CYP2B6: variants seen among roughly 807,000 people sequenced by gnomAD.
CYP2B6 encodes cytochrome P450 family 2 subfamily B member 6.
CYP2B6 carries 35 observed loss-of-function variants against 43.4 expected under a neutral mutation model. That is an observed-to-expected ratio of 0.81 (90% CI 0.62 to 1.07). CYP2B6 has a LOEUF of 1.07. Ranked by LOEUF, CYP2B6 falls within the 50% of genes least tolerant of loss-of-function variation. CYP2B6 has a pLI of 0.00. For missense variants in CYP2B6, 624 were observed against 632.8 expected (o/e 0.99, Z 0.15); for synonymous variants, 239 against 239.2 (o/e 1.00, Z 0.01).
In CYP2B6 at chr19:41,018,220, T is replaced by C. The variant is rs1969400307; in HGVS notation, c.*1393T>C. 1 of 152,294 alleles carries C rather than the reference T, an allele frequency of 6.6e-6. No individual in the cohort carries two copies. The highest frequency in any genetic ancestry group is 6.5e-5 in the Admixed American group (1 of 15,278). The allele number at this position is 152,294 out of a possible 1,614,324, so 9.4% of individuals were successfully genotyped here. On this transcript the variant is annotated 3_prime_UTR_variant, in exon 9 of 9. Transcript: ENST00000324071. ...ACCACAGTCACACACTGCTGTAGTCTTCCCCAGTCCTCATTCCCAGCTGCC... is the reference window on the plus strand; with the variant it reads ...ACCACAGTCACACACTGCTGTAGTCCTCCCCAGTCCTCATTCCCAGCTGCC...
Position 40,995,149 on chromosome 19 carries a change from G to A in CYP2B6, c.171+3673G>A, listed in dbSNP as rs114957222. 1.9e-3 allele frequency among the ~76,000 whole-genome samples: 291 copies of A among 152,250 alleles called. 2 individuals are homozygous for A. The highest frequency in any genetic ancestry group is 6.4e-3 in the African/African-American group (267 of 41,512). On this transcript the variant is annotated intron_variant, in intron 1 of 8. Transcript: ENST00000324071. ...GAAAGGGTTAGGACAGCAAGAAATG[G>A]GGAAGAAAGGATAAAAGATAATGCT...
rs554948308 is a variant in CYP2B6 at position 40,998,583 on chromosome 19, C to T, written c.172-5418C>T. 9.5e-4 allele frequency among the ~76,000 whole-genome samples: 121 copies of T among 127,236 alleles called. 1 individual carries two copies. Among genetic ancestry groups the T allele is most frequent in the African/African-American group, 3.6e-3 (116 of 32,634 alleles). 83.5% of individuals were successfully genotyped at this position (127,236 alleles called of 152,430 possible). On this transcript the variant is annotated intron_variant, in intron 1 of 8. Coordinates refer to ENST00000324071, the MANE Select transcript of CYP2B6 (RefSeq NM_000767.5). ...TGCTATCCCTCCCCCCTCCCCCCAC[C>T]CCACAACAGTCCCCAGAGTGTGATG... is the stretch of plus-strand genomic sequence containing the variant.
chr19:41,000,608 C>T (rs972776254), intron 1 of CYP2B6, among the ~76,000 whole-genome samples: 9 of 152,218 alleles, frequency 5.9e-5, no homozygotes, highest in South Asian at 2.1e-4. Context: ...AAGAGTATCA[C>T]GCAATCATGT....
chr19:41,011,955 T>C (rs1273511808), intron 6 of CYP2B6, among the ~76,000 whole-genome samples: 1 of 152,126 alleles, frequency 6.6e-6, no homozygotes, highest in Non-Finnish European at 1.5e-5. Flanking sequence ...TAAAAAAATT[T>C]TTTTTTCTTT....
At chr19:41,006,119 A>T (rs1969179226) in intron 3 of CYP2B6, among the ~76,000 whole-genome samples, 2 of 152,046 alleles carry the variant, frequency 1.3e-5, no homozygotes, top group Non-Finnish European at 2.9e-5. Context: ...GAAGAGATTA[A>T]GGGGGAGTAA....
At position 41,009,977 on chromosome 19, in the gene CYP2B6, C is replaced by T. The variant is rs199898682; in HGVS notation, c.823-17C>T. On this transcript the variant is annotated splice_polypyrimidine_tract_variant and intron_variant, in intron 5 of 8. Transcript: ENST00000324071. ...GCCTCCCCTGACCCTCCCCTTCCTT[C>T]CCTACTGTGGACGCAGGAGAAATCC... The T allele has an allele frequency of 2.5e-4, 406 of 1,614,010 alleles. No homozygotes were observed. The African/African-American group carries it at 4.5e-3, about 18-fold the overall frequency.
rs576013860 is a variant in CYP2B6, at chr19:41,006,408, G to C, written c.485-497G>C. On this transcript the variant is annotated intron_variant, in intron 3 of 8. Coordinates refer to ENST00000324071, the MANE Select transcript of CYP2B6 (RefSeq NM_000767.5). The stretch of plus-strand genomic sequence containing the variant: ...TGAATTCCTGATCCTTTTGAATCAG[G>C]CTCCCGAAGTGCTGGGTTTAGAGGT... Among the ~76,000 whole-genome samples the C allele has an allele frequency of 2.0e-5, 3 of 148,366 alleles. No homozygotes were observed. The East Asian group carries it at 6.0e-4, about 30-fold the overall frequency.
At chr19:41,014,939 A>C (rs11673270) in intron 8 of CYP2B6, among the ~76,000 whole-genome samples, 47,919 of 151,796 alleles carry the variant, frequency 0.32, 8,517 homozygotes, top group African/African-American at 0.47. Flanking sequence ...TGACATAAAA[A>C]GAGAGGAAGA....
intron 4 of CYP2B6, 136 bp downstream of exon 4, chr19:41,007,201 G>A (rs1969205448): frequency 1.4e-5 from 12 of 873,326 alleles, no homozygotes; most frequent in Admixed American, 1.9e-5. Context: ...GAAGAATCAG[G>A]GACATGGAGA....
At chr19:41,004,201 G>C (rs750035043) in intron 2 of CYP2B6, 38 bp downstream of exon 2, 9 of 1,601,470 alleles carry the variant, frequency 5.6e-6, no homozygotes, top group Non-Finnish European at 7.7e-6. Flanking sequence ...GGCGGGTGGG[G>C]GGTGCATCAG....
intron 1 of CYP2B6, among the ~76,000 whole-genome samples, chr19:41,001,613 A>G (rs1969089441): frequency 6.6e-6 from 1 of 152,122 alleles, no homozygotes. Context: ...ATTAAATGGG[A>G]TATTGCATAC....
chr19:41,015,834 C>T (rs1287553384), intron 8 of CYP2B6, among the ~76,000 whole-genome samples: 199 of 148,768 alleles, frequency 1.3e-3, no homozygotes, highest in African/African-American at 4.6e-3. Flanking sequence ...AGTAACCAAA[C>T]CTTAAGCCTC....
intron 1 of CYP2B6, among the ~76,000 whole-genome samples, chr19:40,991,978 G>C (rs574939032): frequency 3.9e-5 from 6 of 152,122 alleles, no homozygotes; most frequent in African/African-American, 1.4e-4. Context: ...CGAGGTGGTG[G>C]ATCACCTGAG....
At chr19:41,001,280 G>A (rs949054983) in intron 1 of CYP2B6, among the ~76,000 whole-genome samples, 2 of 151,986 alleles carry the variant, frequency 1.3e-5, no homozygotes, top group Non-Finnish European at 2.9e-5. Flanking sequence ...ATACATGTTT[G>A]CATAAAGTTG....
chr19:40,991,406 C>T lies in CYP2B6; in HGVS notation c.101C>T (p.Pro34Leu). 6.2e-7 allele frequency: 1 copy of T among 1,614,064 alleles called. No homozygotes were observed. The highest frequency in any genetic ancestry group is 8.5e-7 in the Non-Finnish European group (1 of 1,180,016). ...PNTHDRLPPG[P>L]RPLPLLGNLL... ...ACCCATGACCGCCTCCCACCAGGGC[C>T]CCGCCCTCTGCCCCTTTTGGGAAAC... The change falls in exon 1 of 9, where the codon CCC becomes CTC. Residue 34 changes from proline (P) to leucine (L), a missense_variant. Coordinates refer to ENST00000324071, the MANE Select transcript of CYP2B6 (RefSeq NM_000767.5).
At chr19:41,005,647 A>C (rs1191618237) in intron 3 of CYP2B6, among the ~76,000 whole-genome samples, 1 of 151,756 alleles carries the variant, frequency 6.6e-6, no homozygotes, top group Non-Finnish European at 1.5e-5. Flanking sequence ...CAGGCTTGGT[A>C]GCACGTGCCT....
chr19:41,010,252 C>G, intron 6 of CYP2B6, 117 bp downstream of exon 6: 1 of 1,263,648 alleles, frequency 7.9e-7, no homozygotes, highest in Non-Finnish European at 1.1e-6. Context: ...TCTGGGAGCA[C>G]TGTAGGCTCT....
intron 1 of CYP2B6, among the ~76,000 whole-genome samples, chr19:40,998,308 C>T (rs547063135): frequency 3.3e-5 from 5 of 152,188 alleles, no homozygotes; most frequent in South Asian, 2.1e-4. Flanking sequence ...TCCCACTGCC[C>T]GCTTTCTTTA....
chr19:41,010,606 G>A (rs1291393623), intron 6 of CYP2B6, among the ~76,000 whole-genome samples: 1 of 151,676 alleles, frequency 6.6e-6, no homozygotes, highest in East Asian at 1.9e-4. Context: ...GTAGAGATGG[G>A]GTTTAACCAT....
Sources: allele counts gnomAD v4.1 joint callset (sites outside exome capture counted in the v4.1 genomes callset), GRCh38; gene constraint gnomAD v4.1.1; transcripts MANE v1.5; gene names NCBI Gene and HGNC (gene_info 2026-07-23, HGNC 2026-07-21).